Variants in MAML3 observed in about 807,000 individuals in gnomAD.
The protein encoded by MAML3 is mastermind-like protein 3.
In MAML3, 27 loss-of-function variants were observed where a neutral mutation model predicts 101.9. The observed-to-expected ratio is 0.27, with a 90% CI of 0.20 to 0.37. MAML3 has a LOEUF of 0.37. Ranked by LOEUF, MAML3 falls within the 10% of genes least tolerant of loss-of-function variation. The pLI, the probability that MAML3 is intolerant of heterozygous loss-of-function variation, is 1.00. For missense variants in MAML3, 1,316 were observed against 1,444.9 expected (o/e 0.91, Z 1.45); for synonymous variants, 501 against 555.9 (o/e 0.90, Z 1.39).
chr4:140,018,957 C>A (rs1463802111), intron 1 of MAML3, among the ~76,000 whole-genome samples: 2 of 151,984 alleles, frequency 1.3e-5, no homozygotes, highest in Non-Finnish European at 2.9e-5. Flanking sequence ...TGAAGTCTTA[C>A]AAAACCTCTC....
chr4:139,852,977 A>G (rs543312769), intron 2 of MAML3, among the ~76,000 whole-genome samples: 1 of 152,364 alleles, frequency 6.6e-6, no homozygotes, highest in African/African-American at 2.4e-5. Context: ...ATTGAAAAGA[A>G]GTAATGTATG....
intron 1 of MAML3, 27 bp downstream of exon 1, chr4:140,152,833 G>T (rs1729199288): frequency 6.5e-7 from 1 of 1,537,450 alleles, no homozygotes; most frequent in African/African-American, 1.4e-5. Context: ...AACGCGCGCC[G>T]CAAGCCCGCT....
intron 1 of MAML3, among the ~76,000 whole-genome samples, chr4:140,149,360 C>T (rs1729117653): frequency 6.6e-6 from 1 of 152,184 alleles, no homozygotes; most frequent in African/African-American, 2.4e-5. Context: ...CTGGTGAGGA[C>T]TCACACAGAA....
intron 2 of MAML3, among the ~76,000 whole-genome samples, chr4:139,832,028 C>T (rs1211878878): frequency 2.7e-5 from 4 of 149,320 alleles, no homozygotes; most frequent in Admixed American, 6.7e-5. Context: ...CTCCTGACTT[C>T]GTGATCCACC....
Position 139,785,488 on chromosome 4 carries a change from A to G in MAML3, c.2080-54821T>C, listed in dbSNP as rs1730288300. Among the ~76,000 whole-genome samples the G allele has an allele frequency of 6.6e-6, 1 of 152,088 alleles. No homozygotes were observed. Among genetic ancestry groups the G allele is most frequent in the Admixed American group, 6.5e-5 (1 of 15,274 alleles). On this transcript the variant is annotated intron_variant, in intron 2 of 4. Transcript: ENST00000509479. This position sits in a 1 kb window ranked among gnomAD's most constrained non-coding sequence, Gnocchi z 4.3. ...AGTAAACACAGCTCTTTATTTTTGTACGGAATGTGGTGATCCCCACTGGCA... is the reference window on the plus strand; with the variant it reads ...AGTAAACACAGCTCTTTATTTTTGTGCGGAATGTGGTGATCCCCACTGGCA...
At position 139,991,447 on chromosome 4, in the gene MAML3, C is replaced by G. The variant is rs186522951; in HGVS notation, c.469-100480G>C. On this transcript the variant is annotated intron_variant, in intron 1 of 4. Transcript: ENST00000509479. ...AACATTAGACCTAAAACCATAAAAA[C>G]CCTACAAGAAAACCTAGGTCACCAA... 8.4e-4 allele frequency among the ~76,000 whole-genome samples: 128 copies of G among 152,184 alleles called. No individual in the cohort carries two copies. In the Middle Eastern group the frequency reaches 0.017, roughly 20 times the overall value.
At chr4:139,726,142 A>G (rs1728465495) in intron 3 of MAML3, among the ~76,000 whole-genome samples, 1 of 152,174 alleles carries the variant, frequency 6.6e-6, no homozygotes, top group Non-Finnish European at 1.5e-5. Flanking sequence ...TTTTAACAAC[A>G]TAGAGCAGTT....
At chr4:139,988,020 CAAAAAAA>C (rs71593735) in intron 1 of MAML3, among the ~76,000 whole-genome samples, 4 of 31,438 alleles carry the variant, frequency 1.3e-4, no homozygotes, top group African/African-American at 3.7e-4. Context: ...AACTCCGTCT[CAAAAAAA>C]AAAAAAAAAA....
At chr4:139,947,821 G>C (rs987308378) in intron 1 of MAML3, among the ~76,000 whole-genome samples, 2 of 152,174 alleles carry the variant, frequency 1.3e-5, no homozygotes, top group Non-Finnish European at 2.9e-5. Context: ...GCTACCACTT[G>C]CTGGGCATGG....
At chr4:139,856,237 G>A (rs1239915091) in intron 2 of MAML3, among the ~76,000 whole-genome samples, 1 of 152,250 alleles carries the variant, frequency 6.6e-6, no homozygotes, top group Non-Finnish European at 1.5e-5. Context: ...TATGCAAAGT[G>A]TATAGCATAA....
Position 140,009,238 on chromosome 4 carries a change from G to A in MAML3, c.469-118271C>T, listed in dbSNP as rs569882533. Among the ~76,000 whole-genome samples, 4 of 152,322 alleles carry A rather than the reference G, an allele frequency of 2.6e-5. No individual in the cohort carries two copies. The South Asian group carries it at 8.3e-4, about 32-fold the overall frequency. ...TTGGTTTACTAAATGGGAATTGCCA[G>A]GAAGGCAGAGAGTGGTCAAATTTAC... On this transcript the variant is annotated intron_variant, in intron 1 of 4. Coordinates refer to ENST00000509479, the MANE Select transcript of MAML3 (RefSeq NM_018717.5).
chr4:139,869,797 G>A (rs975258039), intron 2 of MAML3, among the ~76,000 whole-genome samples: 4 of 152,212 alleles, frequency 2.6e-5, no homozygotes, highest in African/African-American at 9.6e-5. Flanking sequence ...GAGATAAAAC[G>A]TTCTGAAGCT....
intron 2 of MAML3, among the ~76,000 whole-genome samples, chr4:139,845,006 GTCTC>G (rs139759127): frequency 2.7e-5 from 4 of 148,498 alleles, no homozygotes; most frequent in African/African-American, 7.6e-5. Context: ...CTCTCTCTCT[GTCTC>G]TCTCTCTCTC....
At chr4:140,095,519 A>G (rs1274953434) in intron 1 of MAML3, among the ~76,000 whole-genome samples, 4 of 152,000 alleles carry the variant, frequency 2.6e-5, no homozygotes, top group African/African-American at 9.7e-5. Flanking sequence ...TATTTCACAC[A>G]CATTTCTCAA....
At chr4:140,066,319 A>G (rs1044392295) in intron 1 of MAML3, among the ~76,000 whole-genome samples, 1 of 152,222 alleles carries the variant, frequency 6.6e-6, no homozygotes, top group Non-Finnish European at 1.5e-5. Context: ...GAGTAACTAC[A>G]TCATTAAGTA....
chr4:140,097,624 G>A (rs1435431867), intron 1 of MAML3, among the ~76,000 whole-genome samples: 2 of 142,978 alleles, frequency 1.4e-5, no homozygotes, highest in Non-Finnish European at 3.1e-5. Flanking sequence ...ACGGGGTGAA[G>A]AGTGGCCAGA....
intron 1 of MAML3, among the ~76,000 whole-genome samples, chr4:140,116,190 A>G (rs1378264427): frequency 6.6e-6 from 1 of 152,216 alleles, no homozygotes; most frequent in Non-Finnish European, 1.5e-5. Context: ...ACTCCTTCAT[A>G]TAAGGCAAAA....
intron 1 of MAML3, among the ~76,000 whole-genome samples, chr4:140,132,517 G>A (rs1449263966): frequency 6.6e-6 from 1 of 152,198 alleles, no homozygotes; most frequent in East Asian, 1.9e-4. Context: ...TTAGAAAAAG[G>A]TTAAATATGA....
intron 1 of MAML3, among the ~76,000 whole-genome samples, chr4:140,084,751 A>T (rs1445341932): frequency 1.3e-5 from 2 of 152,236 alleles, no homozygotes; most frequent in Non-Finnish European, 2.9e-5. Context: ...CCCCAGAAAC[A>T]AAACTTACTT....
Sources: allele counts gnomAD v4.1 joint callset (sites outside exome capture counted in the v4.1 genomes callset), GRCh38; gene constraint gnomAD v4.1.1; non-coding constraint Gnocchi (gnomAD v3.1); transcripts MANE v1.5; gene names NCBI Gene and HGNC (gene_info 2026-07-23, HGNC 2026-07-21).